Variants in ADNP2 observed in about 807,000 individuals in gnomAD.
ADNP2 encodes ADNP homeobox 2, also known as activity-dependent neuroprotector homeobox protein 2.
Under a neutral mutation model 16.4 loss-of-function variants are expected in ADNP2, and 8 were observed. That is an observed-to-expected ratio of 0.49 (90% confidence interval 0.29 to 0.88). ADNP2 has a LOEUF of 0.88. ADNP2 is among the 40% of genes least tolerant of loss of function. ADNP2 has a pLI of 0.09. For synonymous variants in ADNP2, 637 were observed against 545.8 expected, an observed-to-expected ratio of 1.17 and a Z score of -2.33; for missense variants, 1,397 against 1,395.1, an observed-to-expected ratio of 1.00 and a Z score of -0.02.
chr18:80,117,779 A>G, intron 2 of ADNP2, 129 bp downstream of exon 2: 1 of 648,720 alleles, frequency 1.5e-6, no homozygotes, highest in Non-Finnish European at 2.6e-6. Context: ...AAGCCTCATT[A>G]GTACTTATTT....
intron 2 of ADNP2, among the ~76,000 whole-genome samples, chr18:80,120,855 A>T (rs1010986723): frequency 6.6e-6 from 1 of 152,074 alleles, no homozygotes; most frequent in African/African-American, 2.4e-5. Flanking sequence ...GGGTTTCACC[A>T]TGTTGGCCAG....
chr18:80,137,384 C>T lies in ADNP2; in HGVS notation c.1971C>T (p.Pro657=), dbSNP rs141229292. ...CTGCACCAATGGCCGGTTCCATGCC[C>T]GGCATGCCCTCTCCTCCAGTGCTGG... ...GAAAPMAGSM[P]GMPSPPVLVN... The change falls in exon 4 of 4, where the codon CCC becomes CCT. Residue 657 remains proline, a synonymous_variant. Transcript: ENST00000262198. The surrounding 1 kb of genome is among the most constrained non-coding windows in gnomAD (Gnocchi z 4.2). 9.2e-5 allele frequency: 148 copies of T among 1,614,058 alleles called. No individual in the cohort carries two copies. Among genetic ancestry groups the T allele is most frequent in the Middle Eastern group, 1.6e-4 (1 of 6,084 alleles).
rs1237576469 is a variant in ADNP2 at position 80,136,993 on chromosome 18, C to T, written c.1580C>T (p.Ser527Phe). The change falls in exon 4 of 4, where the codon TCC (serine) becomes TTC (phenylalanine). Residue 527 changes from serine (S) to phenylalanine (F), a missense_variant. Ser to Phe is a radical substitution (Grantham distance 155). Around this residue, in one of 3 missense-constraint regions of ADNP2, gnomAD observed 777 missense variants for 719.4 expected, o/e 1.08. Coordinates refer to ENST00000262198, the MANE Select transcript of ADNP2 (RefSeq NM_014913.4). ...SGLLSPNQTVSSSAVVPVNQG... is the reference protein window; with the variant it reads ...SGLLSPNQTVFSSAVVPVNQG... Reference sequence around the variant, plus strand: ...CTTCTTTCTCCCAACCAGACAGTCTCCTCCTCAGCTGTTGTGCCTGTAAAC... The same window carrying T: ...CTTCTTTCTCCCAACCAGACAGTCTTCTCCTCAGCTGTTGTGCCTGTAAAC... 1 of 1,613,928 alleles carries T rather than the reference C, an allele frequency of 6.2e-7. No individual in the cohort carries two copies. Among genetic ancestry groups the T allele is most frequent in the Non-Finnish European group, 8.5e-7 (1 of 1,179,966 alleles).
At position 80,136,399 on chromosome 18, in the gene ADNP2, C is replaced by T. The variant is rs1334380410; in HGVS notation, c.986C>T (p.Ser329Phe). ...LTHSPPAAGQSHMTLVSSPLP... is the reference protein window; with the variant it reads ...LTHSPPAAGQFHMTLVSSPLP... Reference sequence around the variant, plus strand: ...CATTCCCCCCCTGCTGCTGGCCAATCCCACATGACTCTGGTCTCCAGCCCT... The same window carrying T: ...CATTCCCCCCCTGCTGCTGGCCAATTCCACATGACTCTGGTCTCCAGCCCT... Residue 329 changes from serine to phenylalanine, a missense_variant, in exon 4 of 4, where the codon TCC becomes TTC. Transcript: ENST00000262198. 2 of 1,614,224 alleles carry T rather than the reference C, an allele frequency of 1.2e-6. No individual in the cohort carries two copies. Among genetic ancestry groups the T allele is most frequent in the South Asian group, 2.2e-5 (2 of 91,090 alleles).
At chr18:80,131,456 A>G (rs2052495633) in intron 2 of ADNP2, among the ~76,000 whole-genome samples, 1 of 152,230 alleles carries the variant, frequency 6.6e-6, no homozygotes, top group Non-Finnish European at 1.5e-5. Context: ...ACTGCTTTGA[A>G]AGGTATTTAA....
At chr18:80,114,144 A>T (rs1239112616) in intron 1 of ADNP2, among the ~76,000 whole-genome samples, 1 of 151,480 alleles carries the variant, frequency 6.6e-6, no homozygotes, top group African/African-American at 2.4e-5. Flanking sequence ...AGTGAGCTGT[A>T]ATCAAGCCAC....
In ADNP2 at chr18:80,133,206, G is replaced by A. The variant is rs1470246374; in HGVS notation, c.198+14G>A. ...GGAAAGAAAGTGGTATGTATTTTTT[G>A]CATTTGTTTTTCATGTTTCCTCAAA... On this transcript the variant is annotated intron_variant, in intron 3 of 3. Coordinates refer to ENST00000262198, the MANE Select transcript of ADNP2 (RefSeq NM_014913.4). 6.2e-7 allele frequency: 1 copy of A among 1,601,044 alleles called. No individual in the cohort carries two copies. Among genetic ancestry groups the A allele is most frequent in the South Asian group, 1.1e-5 (1 of 90,810 alleles).
chr18:80,126,364 T>C (rs1215477048), intron 2 of ADNP2, among the ~76,000 whole-genome samples: 1 of 152,214 alleles, frequency 6.6e-6, no homozygotes, highest in Non-Finnish European at 1.5e-5. Flanking sequence ...TACATGTCAT[T>C]GATGATAGTC....
intron 2 of ADNP2, among the ~76,000 whole-genome samples, chr18:80,123,968 G>A (rs748433031): frequency 1.5e-4 from 23 of 152,072 alleles, no homozygotes; most frequent in Non-Finnish European, 3.1e-4. Context: ...GACCTCAAAT[G>A]ATTTACCCAC....
Position 80,137,715 on chromosome 18 carries a change from C to G in ADNP2, c.2302C>G (p.His768Asp). ...EEELIHHLLM[H>D]GLGCLFCPCT... ...AGAGCTTATACACCACTTGCTGATG[C>G]ATGGCTTGGGGTGCTTGTTCTGTCC... The change falls in exon 4 of 4, where the codon CAT (histidine) becomes GAT (aspartate). Residue 768 changes from histidine to aspartate, a missense_variant. Transcript: ENST00000262198. This position sits in a 1 kb window ranked among gnomAD's most constrained non-coding sequence, Gnocchi z 4.2. The G allele has an allele frequency of 1.2e-6, 2 of 1,614,228 alleles. No homozygotes were observed. Among genetic ancestry groups the G allele is most frequent in the Non-Finnish European group, 1.7e-6 (2 of 1,180,038 alleles).
intron 2 of ADNP2, among the ~76,000 whole-genome samples, chr18:80,128,885 T>C (rs890288052): frequency 9.2e-5 from 14 of 152,228 alleles, no homozygotes; most frequent in African/African-American, 3.4e-4. Context: ...AAATTTAAAA[T>C]GCCACATTTC....
Position 80,136,607 on chromosome 18 carries a change from T to A in ADNP2, c.1194T>A (p.Pro398=). 1 of 1,614,210 alleles carries A rather than the reference T, an allele frequency of 6.2e-7. No homozygotes were observed. The highest frequency in any genetic ancestry group is 8.5e-7 in the Non-Finnish European group (1 of 1,180,034). The change falls in exon 4 of 4, where the codon CCT becomes CCA. Residue 398 remains proline (P), a synonymous_variant. Coordinates refer to ENST00000262198, the MANE Select transcript of ADNP2 (RefSeq NM_014913.4). The part of the protein sequence containing the change: ...SVLPINQTVR[P]GVLPLTQPVG... ...TCCCCATAAATCAGACTGTTCGCCC[T>A]GGGGTTTTACCCCTCACCCAGCCTG...
chr18:80,133,991 C>A (rs1345375677), intron 3 of ADNP2, among the ~76,000 whole-genome samples: 1 of 152,048 alleles, frequency 6.6e-6, no homozygotes, highest in African/African-American at 2.4e-5. Flanking sequence ...TGCCACCATG[C>A]CCAGATAAGC....
At chr18:80,134,047 C>G (rs928486624) in intron 3 of ADNP2, among the ~76,000 whole-genome samples, 1 of 151,982 alleles carries the variant, frequency 6.6e-6, no homozygotes, top group Non-Finnish European at 1.5e-5. Flanking sequence ...ACCCATTTTT[C>G]AGTCTCTGAC....
chr18:80,124,633 G>T (rs1459584688), intron 2 of ADNP2, among the ~76,000 whole-genome samples: 1 of 152,004 alleles, frequency 6.6e-6, no homozygotes. Context: ...TCCTTATGCA[G>T]GCATGATTGA....
chr18:80,135,655 C>G lies in ADNP2; in HGVS notation c.242C>G (p.Ser81Cys), dbSNP rs1490543133. ...KPYCCGLCKY[S>C]TKVLTSFKNH... ...TACTGTTGTGGCCTCTGTAAATACT[C>G]TACAAAGGTGCTTACTTCATTCAAG... The change falls in exon 4 of 4, where the codon TCT becomes TGT. Residue 81 changes from serine to cysteine, a missense_variant. This residue lies in a region of ADNP2 where 777 missense variants were observed against 719.4 expected (regional missense o/e 1.08). Coordinates refer to ENST00000262198, the MANE Select transcript of ADNP2 (RefSeq NM_014913.4). 1.2e-6 allele frequency: 2 copies of G among 1,614,192 alleles called. No homozygotes were observed. Among genetic ancestry groups the G allele is most frequent in the South Asian group, 1.1e-5 (1 of 91,086 alleles).
chr18:80,127,308 G>T (rs1240178187), intron 2 of ADNP2, among the ~76,000 whole-genome samples: 1 of 147,634 alleles, frequency 6.8e-6, no homozygotes, highest in Non-Finnish European at 1.5e-5. Context: ...CTGTCCCATA[G>T]CTCATTGATG....
chr18:80,134,166 C>T (rs1354203548), intron 3 of ADNP2, among the ~76,000 whole-genome samples: 1 of 152,140 alleles, frequency 6.6e-6, no homozygotes, highest in East Asian at 1.9e-4. Flanking sequence ...CCTCATTTAG[C>T]AGATCTTGAC....
chr18:80,135,227 A>G (rs576942181), intron 3 of ADNP2, among the ~76,000 whole-genome samples: 1 of 152,354 alleles, frequency 6.6e-6, no homozygotes, highest in South Asian at 2.1e-4. Flanking sequence ...GCCATGAGCT[A>G]GGAGTGGTTG....
Sources: gnomAD v4.1 joint callset for allele counts (sites outside exome capture counted in the v4.1 genomes callset) on GRCh38, gnomAD v4.1.1 for gene constraint, gnomAD v4.1.1 regional missense constraint, Gnocchi (gnomAD v3.1) non-coding constraint, MANE v1.5 for transcripts, NCBI Gene and HGNC (gene_info 2026-07-23, HGNC 2026-07-21) for gene names.